LYST: variants seen among roughly 807,000 people sequenced by gnomAD.
The protein encoded by LYST is lysosomal trafficking regulator.
LYST carries 192 observed loss-of-function variants against 413.6 expected under a neutral mutation model. That is an observed-to-expected ratio of 0.46 (90% confidence interval 0.41 to 0.52). The LOEUF (loss-of-function observed/expected upper bound fraction) is 0.52. Among genes scored for constraint, LYST ranks in the 20% least tolerant of loss-of-function variants. The pLI, the probability that LYST is intolerant of heterozygous loss-of-function variation, is 0.00. For missense variants in LYST, 3,815 were observed against 4,499.9 expected (o/e 0.85, Z 4.35); for synonymous variants, 1,525 against 1,567.3 (o/e 0.97, Z 0.64).
intron 30 of LYST, 55 bp from the exon 31 acceptor site, chr1:235,741,683 T>TGCTA: frequency 1.6e-6 from 2 of 1,286,774 alleles, no homozygotes; most frequent in Non-Finnish European, 2.3e-6. Flanking sequence ...AGCAATACCA[T>TGCTA]GCTAGCCTCA....
intron 1 of LYST, among the ~76,000 whole-genome samples, chr1:235,860,282 C>T (rs1042888474): frequency 3.9e-5 from 6 of 152,152 alleles, no homozygotes; most frequent in Non-Finnish European, 8.8e-5. Flanking sequence ...TGTACAGCCT[C>T]CCCAACTATG....
At chr1:235,841,049 C>T (rs981259382) in intron 1 of LYST, among the ~76,000 whole-genome samples, 1 of 152,190 alleles carries the variant, frequency 6.6e-6, no homozygotes, top group Non-Finnish European at 1.5e-5. Flanking sequence ...CCACTCCACA[C>T]CAGGTGAGCT....
intron 2 of LYST, 133 bp from the exon 3 acceptor site, chr1:235,830,557 A>G (rs1675863599): frequency 1.5e-5 from 11 of 718,536 alleles, no homozygotes; most frequent in Non-Finnish European, 2.1e-5. Context: ...ACTTAACCCT[A>G]TAATATTTTC....
intron 44 of LYST, among the ~76,000 whole-genome samples, chr1:235,706,108 A>T (rs1435544655): frequency 6.6e-6 from 1 of 152,182 alleles, no homozygotes; most frequent in East Asian, 1.9e-4. Context: ...ATTGCTTTTA[A>T]AGTTGCATTT....
intron 45 of LYST, 25 bp from the exon 46 acceptor site, chr1:235,697,297 A>T (rs192998138): frequency 6.4e-7 from 1 of 1,559,508 alleles, no homozygotes; most frequent in South Asian, 1.1e-5. Context: ...AATAAAAAGT[A>T]TGGCTTTTTA....
Position 235,830,442 on chromosome 1 carries a change from C to T in LYST, c.-7-18G>A. The T allele has an allele frequency of 7.4e-7, 1 of 1,344,518 alleles. No homozygotes were observed. Among genetic ancestry groups the T allele is most frequent in the South Asian group, 1.4e-5 (1 of 71,260 alleles). 83.3% of individuals were successfully genotyped at this position (1,344,518 alleles called of 1,614,324 possible). ...TGACCGAGCTATAAAATAAGTATTA[C>T]AAAAAAAAAAGATTAGGAAAACAAA... On this transcript the variant is annotated intron_variant, in intron 2 of 52. Transcript: ENST00000389793.
Position 235,731,233 on chromosome 1 carries a change from T to C in LYST, c.8802-56A>G, listed in dbSNP as rs1664351688. ...AGTGACCATCCAGGACTTGTAGCTATAAAAAAAATCATTATAGAGATTGAG... is the reference window on the plus strand; with the variant it reads ...AGTGACCATCCAGGACTTGTAGCTACAAAAAAAATCATTATAGAGATTGAG... On this transcript the variant is annotated intron_variant, in intron 34 of 52. Coordinates refer to ENST00000389793, the MANE Select transcript of LYST (RefSeq NM_000081.4). 17 of 1,516,432 alleles carry C rather than the reference T, an allele frequency of 1.1e-5. No homozygotes were observed. In the South Asian group the frequency reaches 1.2e-4, roughly 11 times the overall value. The allele number at this position is 1,516,432 out of a possible 1,614,324, so 93.9% of individuals were successfully genotyped here. A position where few individuals can be genotyped will look rare whatever the true frequency, so the allele number is the denominator to read the frequency against.
chr1:235,760,152 C>T (rs558420892), intron 22 of LYST, among the ~76,000 whole-genome samples: 1 of 150,196 alleles, frequency 6.7e-6, no homozygotes, highest in South Asian at 2.1e-4. Flanking sequence ...GGCTTTGCAA[C>T]TAGATATAAT....
intron 7 of LYST, among the ~76,000 whole-genome samples, chr1:235,803,535 G>C (rs559007374): frequency 5.4e-4 from 82 of 152,180 alleles, no homozygotes; most frequent in African/African-American, 1.9e-3. Flanking sequence ...AAAGATCTCA[G>C]AATGCAACTG....
intron 45 of LYST, among the ~76,000 whole-genome samples, chr1:235,698,612 C>T (rs1264193711): frequency 6.6e-6 from 1 of 152,150 alleles, no homozygotes; most frequent in African/African-American, 2.4e-5. Context: ...TGGCTCAAGC[C>T]TGTAATCCCA....
intron 10 of LYST, among the ~76,000 whole-genome samples, chr1:235,799,714 A>G (rs1333347624): frequency 1.3e-5 from 2 of 152,076 alleles, no homozygotes; most frequent in Admixed American, 6.5e-5. Context: ...AATACCAGAT[A>G]TGGCAACAAC....
At chr1:235,826,131 C>T (rs977764489) in intron 3 of LYST, among the ~76,000 whole-genome samples, 1 of 152,142 alleles carries the variant, frequency 6.6e-6, no homozygotes, top group African/African-American at 2.4e-5. Flanking sequence ...CAAAGACTGG[C>T]AATATCAAAT....
chr1:235,750,732 T>G (rs928177832), intron 28 of LYST, among the ~76,000 whole-genome samples: 1 of 152,148 alleles, frequency 6.6e-6, no homozygotes, highest in Non-Finnish European at 1.5e-5. Context: ...AATGCACTGT[T>G]TCTTCTTTAG....
At position 235,741,511 on chromosome 1, in the gene LYST, C is replaced by T. The variant is rs775810592; in HGVS notation, c.8269G>A (p.Ala2757Thr). Residue 2757 changes from alanine (A) to threonine (T), a missense_variant, in exon 31 of 53, where the codon GCT becomes ACT. By Grantham distance (58) the Ala-to-Thr change is moderately conservative. Around this residue, in one of 4 missense-constraint regions of LYST, gnomAD observed 771 missense variants for 837.1 expected, o/e 0.92. Transcript: ENST00000389793. ...AAAATTTGCTTTCTCTCTTGTGCAG[C>T]GTGGGCTGGCGACAAAATATGCACT... ...LLVHILSPAH[A>T]AQERKQIFEI... is the part of the protein sequence containing the mutation. The T allele has an allele frequency of 1.3e-5, 21 of 1,613,932 alleles. No individual in the cohort carries two copies. Among genetic ancestry groups the T allele is most frequent in the Middle Eastern group, 1.6e-4 (1 of 6,082 alleles).
intron 1 of LYST, among the ~76,000 whole-genome samples, chr1:235,862,798 AACAAACAAACACACAC>A (rs1215668747): frequency 3.6e-5 from 4 of 110,666 alleles, no homozygotes; most frequent in African/African-American, 1.5e-4. Flanking sequence ...TCCATCTCAA[AACAAACAAACACACAC>A]ACACACACAC....
Position 235,662,770 on chromosome 1 carries a change from C to G in LYST, c.*170G>C, listed in dbSNP as rs1658136176. Reference sequence around the variant, plus strand: ...CACTAAAATAGAACAGAACTTTCCTCTTAGGATCATGTGACTCTTCAGAAT... The same window carrying G: ...CACTAAAATAGAACAGAACTTTCCTGTTAGGATCATGTGACTCTTCAGAAT... On this transcript the variant is annotated 3_prime_UTR_variant, in exon 53 of 53. Transcript: ENST00000389793. The G allele has an allele frequency of 4.1e-6, 3 of 728,916 alleles. No individual in the cohort carries two copies. The Admixed American group carries it at 5.4e-5, about 13-fold the overall frequency. 45.2% of individuals were successfully genotyped at this position (728,916 alleles called of 1,614,324 possible).
chr1:235,737,919 C>CGT, intron 31 of LYST: 1 of 1,160,712 alleles, frequency 8.6e-7, no homozygotes, highest in South Asian at 3.9e-5. Flanking sequence ...GCCGACGAGT[C>CGT]TGGATCTCAC....
At chr1:235,834,619 G>A (rs1363179765) in intron 1 of LYST, among the ~76,000 whole-genome samples, 1 of 152,154 alleles carries the variant, frequency 6.6e-6, no homozygotes, top group Non-Finnish European at 1.5e-5. Flanking sequence ...ACCAGTTCTT[G>A]TACCACACAT....
intron 40 of LYST, among the ~76,000 whole-genome samples, chr1:235,719,628 A>AG (rs1175369301): frequency 1.2e-4 from 1 of 8,600 alleles, no homozygotes; most frequent in Non-Finnish European, 1.8e-4. Context: ...GCAGAATGAT[A>AG]AAAAAAAAAA....
Sources: allele counts gnomAD v4.1 joint callset (sites outside exome capture counted in the v4.1 genomes callset), GRCh38; gene constraint gnomAD v4.1.1; regional missense constraint gnomAD v4.1.1; transcripts MANE v1.5; gene names NCBI Gene and HGNC (gene_info 2026-07-23, HGNC 2026-07-21).